Variants in MFSD6 observed in about 807,000 individuals in gnomAD.
The protein encoded by MFSD6 is major facilitator superfamily domain-containing protein 6.
In MFSD6, 26 loss-of-function variants were observed where a neutral mutation model predicts 56.3. That is an observed-to-expected ratio of 0.46 (90% confidence interval 0.34 to 0.64). The LOEUF is 0.64. MFSD6 is among the 30% of genes least tolerant of loss of function. The pLI is 0.01. For synonymous variants in MFSD6, 331 were observed against 366.9 expected (o/e 0.90, Z 1.12); for missense variants, 750 against 986.2 (o/e 0.76, Z 3.21).
rs1047964073 is a variant in MFSD6 at position 190,436,749 on chromosome 2, G to T, written c.720G>T (p.Leu240Phe). The T allele has an allele frequency of 6.2e-7, 1 of 1,614,160 alleles. No individual in the cohort carries two copies. Among genetic ancestry groups the T allele is most frequent in the African/African-American group, 1.3e-5 (1 of 75,030 alleles). ...AAATTACTAACCGTATGATGGACTT[G>T]ACTTTGAACTCAAGCACAGCAACCC... The part of the protein sequence containing the change: ...TGEITNRMMD[L>F]TLNSSTATPV... Residue 240 changes from leucine (L) to phenylalanine (F), a missense_variant, in exon 3 of 8, where the codon TTG becomes TTT. Leu to Phe is a conservative substitution (Grantham distance 22, BLOSUM62 0). Coordinates refer to ENST00000392328, the MANE Select transcript of MFSD6 (RefSeq NM_017694.4). The surrounding 1 kb of genome is among the most constrained non-coding windows in gnomAD (Gnocchi z 5.3).
intron 4 of MFSD6, among the ~76,000 whole-genome samples, chr2:190,477,779 G>T (rs573200774): frequency 6.6e-6 from 1 of 152,186 alleles, no homozygotes; most frequent in Non-Finnish European, 1.5e-5. Flanking sequence ...AAATGTGCTA[G>T]GTAGCAGATA....
At chr2:190,476,970 C>T (rs1388738631) in intron 4 of MFSD6, among the ~76,000 whole-genome samples, 2 of 146,980 alleles carry the variant, frequency 1.4e-5, no homozygotes, top group Non-Finnish European at 3.0e-5. Flanking sequence ...AACCAAACAC[C>T]GCATGTTCTC....
At chr2:190,420,214 A>G (rs556713867) in intron 2 of MFSD6, among the ~76,000 whole-genome samples, 1 of 149,920 alleles carries the variant, frequency 6.7e-6, no homozygotes, top group South Asian at 2.1e-4. Context: ...GCAACCATAT[A>G]TAGACAGGGT....
chr2:190,434,065 C>G lies in MFSD6; in HGVS notation c.-53-1912C>G, dbSNP rs1686093410. Reference sequence around the variant, plus strand: ...GGGCATGGTGGCACACGTCTGTAGTCCTAGCTACTTAGGAGACTGAGGTGG... The same window carrying G: ...GGGCATGGTGGCACACGTCTGTAGTGCTAGCTACTTAGGAGACTGAGGTGG... On this transcript the variant is annotated intron_variant, in intron 2 of 7. Transcript: ENST00000392328. This position sits in a 1 kb window ranked among gnomAD's most constrained non-coding sequence, Gnocchi z 4.3. 6.6e-6 allele frequency among the ~76,000 whole-genome samples: 1 copy of G among 151,842 alleles called. No individual in the cohort carries two copies. Among genetic ancestry groups the G allele is most frequent in the Non-Finnish European group, 1.5e-5 (1 of 67,994 alleles).
At chr2:190,478,408 T>A (rs1449131753) in intron 4 of MFSD6, among the ~76,000 whole-genome samples, 1 of 152,206 alleles carries the variant, frequency 6.6e-6, no homozygotes, top group Non-Finnish European at 1.5e-5. Flanking sequence ...TTGCCTTTGT[T>A]TGACCCATGC....
chr2:190,444,239 G>C (rs554937412), intron 3 of MFSD6, among the ~76,000 whole-genome samples: 4 of 152,178 alleles, frequency 2.6e-5, no homozygotes, highest in Non-Finnish European at 5.9e-5. Flanking sequence ...GACCTGTTTG[G>C]CCTGTGTTTT....
At chr2:190,420,025 T>C (rs567884141) in intron 2 of MFSD6, among the ~76,000 whole-genome samples, 1 of 151,060 alleles carries the variant, frequency 6.6e-6, no homozygotes, top group Non-Finnish European at 1.5e-5. Flanking sequence ...ATTCTGTATA[T>C]AATTTGAAAT....
chr2:190,489,923 C>A lies in MFSD6; in HGVS notation c.1891+57C>A. 7.3e-7 allele frequency: 1 copy of A among 1,364,620 alleles called. No individual in the cohort carries two copies. Among genetic ancestry groups the A allele is most frequent in the Admixed American group, 2.5e-5 (1 of 39,480 alleles). 84.5% of individuals were successfully genotyped at this position (1,364,620 alleles called of 1,614,324 possible). On this transcript the variant is annotated intron_variant, in intron 6 of 7. Transcript: ENST00000392328. The surrounding 1 kb of genome is among the most constrained non-coding windows in gnomAD (Gnocchi z 6.6). The stretch of plus-strand genomic sequence containing the variant: ...AACAGTTCAGGCCATGGGAAGTCAA[C>A]AAATGCCCCGAGAAGCCTAGAAGTG...
In MFSD6 at chr2:190,437,158, G is replaced by C. The variant is rs554501896; in HGVS notation, c.1129G>C (p.Val377Leu). The C allele has an allele frequency of 1.2e-6, 2 of 1,614,212 alleles. No homozygotes were observed. Among genetic ancestry groups the C allele is most frequent in the Non-Finnish European group, 1.7e-6 (2 of 1,180,042 alleles). ...CCAGATCGTCTTCATCGTCTTCGGC[G>C]TTCTCATGACCATGGCCTTGATCGT... ...NYQIVFIVFG[V>L]LMTMALIVAT... Residue 377 changes from valine to leucine, a missense_variant, in exon 3 of 8, where the codon GTT becomes CTT. By Grantham distance (32) the Val-to-Leu change is conservative. Transcript: ENST00000392328. The surrounding 1 kb of genome is among the most constrained non-coding windows in gnomAD (Gnocchi z 5.9).
In MFSD6 at chr2:190,489,698, C is replaced by T. The variant is rs73979256; in HGVS notation, c.1793-70C>T. The T allele has an allele frequency of 5.7e-3, 8,036 of 1,403,524 alleles. 386 individuals are homozygous for T. In the African/African-American group the frequency reaches 0.097, roughly 17 times the overall value. 86.9% of individuals were successfully genotyped at this position (1,403,524 alleles called of 1,614,324 possible). A position where few individuals can be genotyped will look rare whatever the true frequency, so the allele number is the denominator to read the frequency against. On this transcript the variant is annotated intron_variant, in intron 5 of 7. Coordinates refer to ENST00000392328, the MANE Select transcript of MFSD6 (RefSeq NM_017694.4). The surrounding 1 kb of genome is among the most constrained non-coding windows in gnomAD (Gnocchi z 6.6). ...TTCCTTTGCTTTGATCTTTAGAAAACTGATGGTTTTAGATGAGCGCTATCT... is the reference window on the plus strand; with the variant it reads ...TTCCTTTGCTTTGATCTTTAGAAAATTGATGGTTTTAGATGAGCGCTATCT...
chr2:190,430,639 C>A (rs976818307), intron 2 of MFSD6, among the ~76,000 whole-genome samples: 3 of 151,940 alleles, frequency 2.0e-5, no homozygotes, highest in African/African-American at 7.2e-5. Context: ...TCCGATTTCT[C>A]AATCTTTTCC....
chr2:190,462,912 A>AT lies in MFSD6; in HGVS notation c.1533-6844dup, dbSNP rs1179921597. Among the ~76,000 whole-genome samples the AT allele has an allele frequency of 3.3e-5, 5 of 152,138 alleles. No individual in the cohort carries two copies. Among genetic ancestry groups the AT allele is most frequent in the Non-Finnish European group, 7.4e-5 (5 of 68,004 alleles). Reference sequence around the variant, plus strand: ...CTCCTCTCTGGCCACTCTTACCACCATTCTAGCACTAGAGGAGGGTACCAT... The same window carrying AT: ...CTCCTCTCTGGCCACTCTTACCACCATTTCTAGCACTAGAGGAGGGTACCAT... On this transcript the variant is annotated intron_variant, in intron 3 of 7. Coordinates refer to ENST00000392328, the MANE Select transcript of MFSD6 (RefSeq NM_017694.4). This position sits in a 1 kb window ranked among gnomAD's most constrained non-coding sequence, Gnocchi z 5.7.
intron 2 of MFSD6, 46 bp from the exon 3 acceptor site, chr2:190,435,931 G>T (rs892830970): frequency 7.0e-7 from 1 of 1,430,878 alleles, no homozygotes; most frequent in Non-Finnish European, 9.4e-7. Context: ...GTGTTTACAT[G>T]TTATGATTTT....
At position 190,440,279 on chromosome 2, in the gene MFSD6, C is replaced by A. The variant is rs529021839; in HGVS notation, c.1532+2718C>A. Among the ~76,000 whole-genome samples, 8 of 152,280 alleles carry A rather than the reference C, an allele frequency of 5.3e-5. No individual in the cohort carries two copies. The East Asian group carries it at 1.2e-3, about 22-fold the overall frequency. ...ATTTTAACAGTTTCACAATATACAA[C>A]CAGTTTCTCAGGGACTGACCTGTCA... On this transcript the variant is annotated intron_variant, in intron 3 of 7. Coordinates refer to ENST00000392328, the MANE Select transcript of MFSD6 (RefSeq NM_017694.4).
rs1690745932 is a variant in MFSD6, at chr2:190,415,690, T to C, written c.-54+277T>C. ...CCCTAACAGCAAAATAAAACAATTTTAGATTACATATATGGGAAGGTACTA... is the reference window on the plus strand; with the variant it reads ...CCCTAACAGCAAAATAAAACAATTTCAGATTACATATATGGGAAGGTACTA... On this transcript the variant is annotated intron_variant, in intron 2 of 7. Coordinates refer to ENST00000392328, the MANE Select transcript of MFSD6 (RefSeq NM_017694.4). The surrounding 1 kb of genome is among the most constrained non-coding windows in gnomAD (Gnocchi z 4.5). Among the ~76,000 whole-genome samples the C allele has an allele frequency of 6.6e-6, 1 of 152,238 alleles. No homozygotes were observed. The highest frequency in any genetic ancestry group is 2.4e-5 in the African/African-American group (1 of 41,464).
intron 4 of MFSD6, among the ~76,000 whole-genome samples, chr2:190,479,392 A>T (rs890656219): frequency 6.6e-6 from 1 of 152,218 alleles, no homozygotes; most frequent in African/African-American, 2.4e-5. Context: ...TTTAAAAAAG[A>T]GACAGGGAGT....
intron 6 of MFSD6, among the ~76,000 whole-genome samples, chr2:190,493,388 C>A (rs188374764): frequency 6.6e-6 from 1 of 152,118 alleles, no homozygotes; most frequent in Non-Finnish European, 1.5e-5. Flanking sequence ...ATAAAACAAT[C>A]ACTACCAGAC....
At position 190,465,487 on chromosome 2, in the gene MFSD6, C is replaced by A. The variant is rs1004835185; in HGVS notation, c.1533-4271C>A. ...GCCCATAAGATTACTGATTATACATCAGTAATCTTATGTATAATCTTATGT... is the reference window on the plus strand; with the variant it reads ...GCCCATAAGATTACTGATTATACATAAGTAATCTTATGTATAATCTTATGT... On this transcript the variant is annotated intron_variant, in intron 3 of 7. Transcript: ENST00000392328. The surrounding 1 kb of genome is among the most constrained non-coding windows in gnomAD (Gnocchi z 4.6). Among the ~76,000 whole-genome samples, 1 of 151,764 alleles carries A rather than the reference C, an allele frequency of 6.6e-6. No homozygotes were observed. The highest frequency in any genetic ancestry group is 1.5e-5 in the Non-Finnish European group (1 of 67,990).
intron 1 of MFSD6, among the ~76,000 whole-genome samples, chr2:190,408,997 A>G (rs1690440122): frequency 6.6e-6 from 1 of 152,178 alleles, no homozygotes; most frequent in African/African-American, 2.4e-5. Flanking sequence ...ACACAGCCCC[A>G]GTGACAAGGA....
Sources: allele counts gnomAD v4.1 joint callset (sites outside exome capture counted in the v4.1 genomes callset), GRCh38; gene constraint gnomAD v4.1.1; non-coding constraint Gnocchi (gnomAD v3.1); transcripts MANE v1.5; gene names NCBI Gene and HGNC (gene_info 2026-07-23, HGNC 2026-07-21).